QTMAN: variants seen among roughly 807,000 people sequenced by gnomAD.
QTMAN encodes the protein tRNA-queuosine alpha-mannosyltransferase.
At chr2:144,060,909 CT>C in the QTMAN span, among the ~76,000 whole-genome samples, 1 of 152,032 alleles carries the variant, frequency 6.6e-6, no homozygotes, top group African/African-American at 2.4e-5. Flanking sequence ...ATCGAGTTTC[CT>C]TTTTTCATTT....
At chr2:144,063,335 T>C in the QTMAN span, among the ~76,000 whole-genome samples, 1 of 152,192 alleles carries the variant, frequency 6.6e-6, no homozygotes, top group Admixed American at 6.5e-5. Flanking sequence ...ATTCAACTGA[T>C]TGAGTCAGTT....
At chr2:144,314,403 A>G in the QTMAN span, among the ~76,000 whole-genome samples, 1 of 152,178 alleles carries the variant, frequency 6.6e-6, no homozygotes, top group Non-Finnish European at 1.5e-5. Context: ...AGGAAAGGGA[A>G]GGCCTGATAG....
At chr2:144,010,152 T>A in the QTMAN span, among the ~76,000 whole-genome samples, 3 of 151,602 alleles carry the variant, frequency 2.0e-5, no homozygotes, top group African/African-American at 7.3e-5. Context: ...ATCTTACTCA[T>A]AAAATTCATT....
the QTMAN span, among the ~76,000 whole-genome samples, chr2:144,195,824 C>A: frequency 2.0e-5 from 3 of 152,140 alleles, no homozygotes; most frequent in East Asian, 3.9e-4. Flanking sequence ...CATTAAATAT[C>A]TTTGAAGACT....
At chr2:144,133,441 TA>T in the QTMAN span, among the ~76,000 whole-genome samples, 9 of 59,642 alleles carry the variant, frequency 1.5e-4, no homozygotes, top group East Asian at 4.6e-3. Context: ...ATATAATATA[TA>T]ATATATAATA....
chr2:144,327,038 T>A, the QTMAN span, among the ~76,000 whole-genome samples: 1 of 152,058 alleles, frequency 6.6e-6, no homozygotes, highest in Non-Finnish European at 1.5e-5. Flanking sequence ...TCTGACCTTC[T>A]CCTGCCCCAA....
At chr2:143,957,441 C>A in the QTMAN span, 1 of 621,338 alleles carries the variant, frequency 1.6e-6, no homozygotes, top group South Asian at 5.2e-5. Flanking sequence ...TTAGCTGCTG[C>A]TTATTTTAAC....
chr2:144,280,898 C>CT, the QTMAN span, among the ~76,000 whole-genome samples: 7 of 148,780 alleles, frequency 4.7e-5, no homozygotes, highest in African/African-American at 7.4e-5. Flanking sequence ...CCTATCAGAA[C>CT]TTTTTTTTTT....
chr2:144,077,026 T>C, the QTMAN span, among the ~76,000 whole-genome samples: 1 of 141,034 alleles, frequency 7.1e-6, no homozygotes, highest in Non-Finnish European at 1.6e-5. Flanking sequence ...ATTAAAAAAC[T>C]AAGAATCTTA....
the QTMAN span, among the ~76,000 whole-genome samples, chr2:144,155,188 C>T: frequency 0.014 from 2,120 of 152,162 alleles, 50 homozygotes; most frequent in African/African-American, 0.049. Flanking sequence ...AGGCACTGTT[C>T]TCTGCTTCAC....
chr2:144,274,979 T>A, the QTMAN span, among the ~76,000 whole-genome samples: 5 of 152,186 alleles, frequency 3.3e-5, no homozygotes, highest in African/African-American at 1.2e-4. Flanking sequence ...GAATTGAATT[T>A]AATTATAGGA....
the QTMAN span, among the ~76,000 whole-genome samples, chr2:143,992,709 A>G: frequency 6.6e-6 from 1 of 152,162 alleles, no homozygotes; most frequent in Non-Finnish European, 1.5e-5. Context: ...CCCTCACTAA[A>G]AGCAATTCTT....
At chr2:144,034,904 C>T in the QTMAN span, among the ~76,000 whole-genome samples, 1 of 152,316 alleles carries the variant, frequency 6.6e-6, no homozygotes, top group East Asian at 1.9e-4. Context: ...CAGGCAGGTT[C>T]CCAACACTCA....
the QTMAN span, among the ~76,000 whole-genome samples, chr2:143,953,926 T>G: frequency 6.6e-6 from 1 of 151,962 alleles, no homozygotes; most frequent in African/African-American, 2.4e-5. Flanking sequence ...GTTTTCCCTA[T>G]TTTCCTATGT....
the QTMAN span, chr2:143,943,538 C>A: frequency 6.6e-6 from 1 of 152,178 alleles, no homozygotes; most frequent in Non-Finnish European, 1.5e-5. Context: ...TCTTTTGTGG[C>A]TCATAATATT....
chr2:144,219,294 C>A, the QTMAN span, among the ~76,000 whole-genome samples: 76 of 152,068 alleles, frequency 5.0e-4, no homozygotes, highest in Non-Finnish European at 1.3e-4. Context: ...CCATGCTTGG[C>A]TAATTTTTGT....
the QTMAN span, among the ~76,000 whole-genome samples, chr2:144,307,550 G>A: frequency 1.3e-5 from 2 of 152,182 alleles, no homozygotes; most frequent in African/African-American, 4.8e-5. Flanking sequence ...TTGGATAGGA[G>A]TAACTGTCTT....
the QTMAN span, among the ~76,000 whole-genome samples, chr2:144,148,658 C>T: frequency 6.6e-6 from 1 of 151,802 alleles, no homozygotes; most frequent in African/African-American, 2.4e-5. Flanking sequence ...GAGCCCTTCA[C>T]TCTATTTCTA....
chr2:144,310,953 G>A, the QTMAN span, among the ~76,000 whole-genome samples: 4 of 152,002 alleles, frequency 2.6e-5, no homozygotes, highest in African/African-American at 4.8e-5. Context: ...ATGTGTGTAC[G>A]TGAAATTTTT....
Sources: gnomAD v4.1 joint callset for allele counts (sites outside exome capture counted in the v4.1 genomes callset) on GRCh38, gnomAD v4.1.1 for gene constraint, MANE v1.5 for transcripts, NCBI Gene and HGNC (gene_info 2026-07-23, HGNC 2026-07-21) for gene names.